Variants in IGF1R observed in about 807,000 individuals in gnomAD.
IGF1R encodes the protein insulin like growth factor 1 receptor, also known as insulin-like growth factor 1 receptor.
In IGF1R, 44 loss-of-function variants were observed where a neutral mutation model predicts 144.6. That is an observed-to-expected ratio of 0.30 (90% confidence interval 0.24 to 0.39). The LOEUF (loss-of-function observed/expected upper bound fraction) is 0.39. IGF1R is among the 10% of genes least tolerant of loss of function. The probability of loss-of-function intolerance (pLI) is 1.00; values close to 1 mark genes in which losing one functional copy is unlikely to be tolerated. For missense variants in IGF1R, 1,355 were observed against 1,833.7 expected (o/e 0.74, Z 4.77); for synonymous variants, 795 against 722.8 (o/e 1.10, Z -1.60).
In IGF1R at chr15:98,707,465, T is replaced by A; in HGVS notation, c.95-97T>A. The A allele has an allele frequency of 8.2e-7, 1 of 1,217,788 alleles. No individual in the cohort carries two copies. Among genetic ancestry groups the A allele is most frequent in the Non-Finnish European group, 1.2e-6 (1 of 844,728 alleles). 75.4% of individuals were successfully genotyped at this position (1,217,788 alleles called of 1,614,324 possible). A position where few individuals can be genotyped will look rare whatever the true frequency, so the allele number is the denominator to read the frequency against. Reference sequence around the variant, plus strand: ...TTGAACCTCATTTCTTTAATAATAATACAGGATTCCTGAAAACCAACTGTA... The same window carrying A: ...TTGAACCTCATTTCTTTAATAATAAAACAGGATTCCTGAAAACCAACTGTA... On this transcript the variant is annotated intron_variant, in intron 1 of 20. Transcript: ENST00000650285. This position sits in a 1 kb window ranked among gnomAD's most constrained non-coding sequence, Gnocchi z 6.7.
intron 2 of IGF1R, among the ~76,000 whole-genome samples, chr15:98,859,184 C>G (rs535246602): frequency 6.6e-6 from 1 of 152,062 alleles, no homozygotes; most frequent in African/African-American, 2.4e-5. Context: ...ATATTGAGAT[C>G]GGTGTAAAAA....
In IGF1R at chr15:98,802,465, T is replaced by C. The variant is rs147343683; in HGVS notation, c.641-88860T>C. On this transcript the variant is annotated intron_variant, in intron 2 of 20. Transcript: ENST00000650285. The stretch of plus-strand genomic sequence containing the variant: ...GGGAAGGTCATTGAACCCTACAGTC[T>C]TGGCCCTGAGAGAACCTTGGAGGAC... Among the ~76,000 whole-genome samples the C allele has an allele frequency of 8.4e-3, 1,273 of 152,276 alleles. 7 individuals are homozygous for C. The highest frequency in any genetic ancestry group is 0.013 in the Non-Finnish European group (916 of 68,020).
chr15:98,814,561 T>C (rs2056656974), intron 2 of IGF1R, among the ~76,000 whole-genome samples: 1 of 152,216 alleles, frequency 6.6e-6, no homozygotes, highest in Non-Finnish European at 1.5e-5. Context: ...TTGCCGGGGT[T>C]AGTCTCAGAC....
chr15:98,913,351 G>T, intron 8 of IGF1R, 69 bp downstream of exon 8: 2 of 1,219,844 alleles, frequency 1.6e-6, no homozygotes, highest in Non-Finnish European at 2.4e-6. Context: ...GCTTGTACCA[G>T]GTGTCATTGT....
intron 2 of IGF1R, among the ~76,000 whole-genome samples, chr15:98,848,766 A>G (rs553042765): frequency 6.6e-6 from 1 of 152,340 alleles, no homozygotes; most frequent in South Asian, 2.1e-4. Flanking sequence ...CACAGAATAG[A>G]ACATCTTCTG....
chr15:98,913,865 T>C (rs936432109), intron 8 of IGF1R, among the ~76,000 whole-genome samples: 2 of 152,222 alleles, frequency 1.3e-5, no homozygotes, highest in Non-Finnish European at 2.9e-5. Context: ...GTTAATAGTT[T>C]CCAGTATATA....
At chr15:98,801,101 A>G (rs1348771170) in intron 2 of IGF1R, among the ~76,000 whole-genome samples, 4 of 152,074 alleles carry the variant, frequency 2.6e-5, no homozygotes, top group African/African-American at 4.8e-5. Flanking sequence ...GACCTTGCTT[A>G]CTTCTCCCTC....
At chr15:98,663,794 C>T (rs1304630889) in intron 1 of IGF1R, among the ~76,000 whole-genome samples, 2 of 152,196 alleles carry the variant, frequency 1.3e-5, no homozygotes, top group African/African-American at 4.8e-5. Context: ...CTGGCCAACG[C>T]GGCAGGGCTC....
chr15:98,961,982 T>C lies in IGF1R; in HGVS notation c.*4540T>C. 1 of 233,340 alleles carries C rather than the reference T, an allele frequency of 4.3e-6. No individual in the cohort carries two copies. The highest frequency in any genetic ancestry group is 8.5e-6 in the Non-Finnish European group (1 of 118,058). 14.5% of individuals were successfully genotyped at this position (233,340 alleles called of 1,614,324 possible). Reference sequence around the variant, plus strand: ...ATGCTCGGTGCACATTGGGGTGCTTTGGGATAAAAGATTTATGAGCCAACT... The same window carrying C: ...ATGCTCGGTGCACATTGGGGTGCTTCGGGATAAAAGATTTATGAGCCAACT... On this transcript the variant is annotated 3_prime_UTR_variant, in exon 21 of 21. Coordinates refer to ENST00000650285, the MANE Select transcript of IGF1R (RefSeq NM_000875.5).
chr15:98,846,398 C>T (rs749240359), intron 2 of IGF1R, among the ~76,000 whole-genome samples: 15 of 152,092 alleles, frequency 9.9e-5, no homozygotes, highest in African/African-American at 3.6e-4. Context: ...AATGAACAGA[C>T]GAGTAGAGAA....
At chr15:98,705,850 C>T (rs530904434) in intron 1 of IGF1R, among the ~76,000 whole-genome samples, 1 of 152,296 alleles carries the variant, frequency 6.6e-6, no homozygotes, top group East Asian at 1.9e-4. Context: ...AAGTTCTTAT[C>T]CCCACATGTG....
Position 98,648,864 on chromosome 15 carries a change from C to CCGGGCGGGGGCCGGCGCGGGG in IGF1R, c.-710_-690dup, listed in dbSNP as rs1179788049. On this transcript the variant is annotated 5_prime_UTR_variant, in exon 1 of 21. Transcript: ENST00000650285. ...CAGAGCAGGCGGCGGCGGGCGGGGGCCGGGCGGGGGCCGGCGCGGGGCGGG... is the reference window on the plus strand; with the variant it reads ...CAGAGCAGGCGGCGGCGGGCGGGGGCCGGGCGGGGGCCGGCGCGGGGCGGGCGGGGGCCGGCGCGGGGCGGG... The CCGGGCGGGGGCCGGCGCGGGG allele has an allele frequency of 3.5e-5, 5 of 144,688 alleles. No homozygotes were observed. Among genetic ancestry groups the CCGGGCGGGGGCCGGCGCGGGG allele is most frequent in the East Asian group, 2.1e-4 (1 of 4,856 alleles). 9.0% of individuals were successfully genotyped at this position (144,688 alleles called of 1,614,324 possible).
chr15:98,885,353 G>A (rs544415628), intron 2 of IGF1R, among the ~76,000 whole-genome samples: 5 of 152,304 alleles, frequency 3.3e-5, no homozygotes, highest in African/African-American at 1.2e-4. Flanking sequence ...GGGGCAGGAC[G>A]CTGCATGTCA....
intron 2 of IGF1R, among the ~76,000 whole-genome samples, chr15:98,852,412 A>T (rs2011569438): frequency 6.6e-6 from 1 of 152,154 alleles, no homozygotes; most frequent in Non-Finnish European, 1.5e-5. Context: ...CACGCCAATC[A>T]CCAGGGCCCA....
rs1043188453 is a variant in IGF1R, at chr15:98,958,007, C to T, written c.*565C>T. 8.5e-6 allele frequency: 2 copies of T among 234,478 alleles called. No individual in the cohort carries two copies. The highest frequency in any genetic ancestry group is 5.6e-5 in the Admixed American group (1 of 17,930). 14.5% of individuals were successfully genotyped at this position (234,478 alleles called of 1,614,324 possible). A position where few individuals can be genotyped will look rare whatever the true frequency, so the allele number is the denominator to read the frequency against. The stretch of plus-strand genomic sequence containing the variant: ...GGCCATCGTTCATCCAAGGCTGTTA[C>T]CATTTTAACGCTGCCTAATTTTGCC... On this transcript the variant is annotated 3_prime_UTR_variant, in exon 21 of 21. Coordinates refer to ENST00000650285, the MANE Select transcript of IGF1R (RefSeq NM_000875.5).
chr15:98,708,520 C>T (rs958445549), intron 2 of IGF1R, among the ~76,000 whole-genome samples: 21 of 152,256 alleles, frequency 1.4e-4, no homozygotes, highest in Admixed American at 1.3e-3. Flanking sequence ...ATCCTTTGTG[C>T]GAAGTGATAT....
intron 20 of IGF1R, among the ~76,000 whole-genome samples, chr15:98,949,930 C>G (rs752880864): frequency 1.4e-4 from 21 of 152,128 alleles, no homozygotes; most frequent in Non-Finnish European, 2.2e-4. Context: ...TGAAGGTGTT[C>G]CAGTTCAGTC....
chr15:98,659,274 C>A (rs992711233), intron 1 of IGF1R, among the ~76,000 whole-genome samples: 6 of 152,114 alleles, frequency 3.9e-5, no homozygotes, highest in Admixed American at 6.5e-5. Flanking sequence ...CATCCCCCTG[C>A]AGTTTGCCTT....
rs1454290108 is a variant in IGF1R at position 98,916,074 on chromosome 15, C to A, written c.1939C>A (p.Arg647Ser). ...PNGNLSYYIV[R>S]WQRQPQDGYL... ...CGGCAACCTGAGTTACTACATTGTG[C>A]GCTGGCAGCGGCAGCCTCAGGACGG... The change falls in exon 9 of 21, where the codon CGC (arginine) becomes AGC (serine). Residue 647 changes from arginine to serine, a missense_variant. Arg to Ser is a moderately radical substitution (Grantham distance 110). Transcript: ENST00000650285. 1 of 1,614,056 alleles carries A rather than the reference C, an allele frequency of 6.2e-7. No individual in the cohort carries two copies. The highest frequency in any genetic ancestry group is 2.2e-5 in the East Asian group (1 of 44,890).
Sources: allele counts gnomAD v4.1 joint callset (sites outside exome capture counted in the v4.1 genomes callset), GRCh38; gene constraint gnomAD v4.1.1; non-coding constraint Gnocchi (gnomAD v3.1); transcripts MANE v1.5; gene names NCBI Gene and HGNC (gene_info 2026-07-23, HGNC 2026-07-21).